The following SYT16 variants were observed in gnomAD, a reference collection of about 807,000 sequenced individuals.
The protein encoded by SYT16 is synaptotagmin-16.
Under a neutral mutation model 61.4 loss-of-function variants are expected in SYT16, and 42 were observed. The ratio of observed to expected loss-of-function variants is 0.68; its 90% CI spans 0.53 to 0.89. The LOEUF is 0.89. SYT16 is among the 40% of genes least tolerant of loss of function. The pLI, the probability that SYT16 is intolerant of heterozygous loss-of-function variation, is 0.00. For synonymous variants in SYT16, 314 were observed against 302.3 expected (o/e 1.04, Z -0.40); for missense variants, 804 against 807.3 (o/e 1.00, Z 0.05).
At chr14:61,871,374 T>C (rs2047327270) in intron 1 of SYT16, among the ~76,000 whole-genome samples, 1 of 152,164 alleles carries the variant, frequency 6.6e-6, no homozygotes, top group South Asian at 2.1e-4. Context: ...AAGGAAATCC[T>C]GTCTGTGAAT....
intron 4 of SYT16, among the ~76,000 whole-genome samples, chr14:62,070,161 G>A (rs2056244134): frequency 6.6e-6 from 1 of 152,094 alleles, no homozygotes; most frequent in Non-Finnish European, 1.5e-5. Context: ...TCACGTACTT[G>A]TCCACTGACA....
intron 1 of SYT16, among the ~76,000 whole-genome samples, chr14:61,898,172 AAGGTTG>A (rs2048390869): frequency 1.3e-5 from 2 of 152,212 alleles, no homozygotes; most frequent in Non-Finnish European, 2.9e-5. Context: ...GAGTGAAACA[AAGGTTG>A]AGGAAATAAA....
At chr14:62,025,027 T>C (rs1056420989) in intron 3 of SYT16, among the ~76,000 whole-genome samples, 8 of 152,144 alleles carry the variant, frequency 5.3e-5, no homozygotes, top group African/African-American at 1.9e-4. Context: ...TATGTATCCA[T>C]TCACCTACTG....
intron 3 of SYT16, chr14:62,069,374 CT>C (rs2056200735): frequency 9.1e-6 from 5 of 550,108 alleles, no homozygotes; most frequent in Non-Finnish European, 1.3e-5. Context: ...AATGATTTGT[CT>C]TGGGTTCTAG....
chr14:62,063,802 C>T (rs1451609985), intron 3 of SYT16, among the ~76,000 whole-genome samples: 1 of 152,160 alleles, frequency 6.6e-6, no homozygotes, highest in Non-Finnish European at 1.5e-5. Context: ...TTCTGCCTGT[C>T]AAAGTCATTA....
chr14:62,033,846 A>T (rs1434029886), intron 3 of SYT16, among the ~76,000 whole-genome samples: 1 of 152,132 alleles, frequency 6.6e-6, no homozygotes, highest in African/African-American at 2.4e-5. Flanking sequence ...CAAAACAAAA[A>T]ATTAGATATA....
intron 1 of SYT16, chr14:61,864,947 T>C: frequency 1.5e-6 from 2 of 1,313,328 alleles, no homozygotes; most frequent in Non-Finnish European, 2.2e-6. Context: ...CCTGCAGGCC[T>C]TGAAAGTGCT....
chr14:61,823,776 T>C (rs2045690679), intron 1 of SYT16, among the ~76,000 whole-genome samples: 1 of 151,960 alleles, frequency 6.6e-6, no homozygotes, highest in South Asian at 2.1e-4. Flanking sequence ...AAACAGAATG[T>C]GATAGAAATC....
chr14:61,996,160 T>C lies in SYT16; in HGVS notation c.141T>C (p.Ser47=). 6.2e-7 allele frequency: 1 copy of C among 1,613,386 alleles called. No individual in the cohort carries two copies. Among genetic ancestry groups the C allele is most frequent in the Non-Finnish European group, 8.5e-7 (1 of 1,179,550 alleles). ...TGGTTAACATAAGCAAACAAGACTC[T>C]AAATTGAGTGACAAACTAGATCAGG... The part of the protein sequence containing the change: ...ASLVNISKQD[S]KLSDKLDQDL... Residue 47 remains serine (S), a synonymous_variant, in exon 3 of 8, where the codon TCT becomes TCC. Coordinates refer to ENST00000683842, the MANE Select transcript of SYT16 (RefSeq NM_001367656.1).
intron 1 of SYT16, among the ~76,000 whole-genome samples, chr14:61,893,567 A>T (rs2048213868): frequency 6.6e-6 from 1 of 152,206 alleles, no homozygotes; most frequent in Admixed American, 6.5e-5. Flanking sequence ...CCAGATTTAA[A>T]AAGCATTCAA....
intron 1 of SYT16, among the ~76,000 whole-genome samples, chr14:61,902,825 A>G (rs2048569891): frequency 6.6e-6 from 1 of 152,218 alleles, no homozygotes. Flanking sequence ...AGCCAAGTGC[A>G]ATTGGTTTCC....
intron 1 of SYT16, among the ~76,000 whole-genome samples, chr14:61,931,548 T>C (rs1483949211): frequency 6.6e-6 from 1 of 152,230 alleles, no homozygotes; most frequent in Non-Finnish European, 1.5e-5. Flanking sequence ...AAATCCATTC[T>C]TCATTTTGTA....
chr14:62,045,775 T>C (rs10140935), intron 3 of SYT16, among the ~76,000 whole-genome samples: 68,453 of 151,084 alleles, frequency 0.45, 18,703 homozygotes, highest in African/African-American at 0.78. Context: ...CTACAAAGGA[T>C]ATGAACTCAT....
chr14:62,010,752 A>G (rs770017822), intron 3 of SYT16, among the ~76,000 whole-genome samples: 18 of 152,250 alleles, frequency 1.2e-4, no homozygotes, highest in South Asian at 2.1e-4. Flanking sequence ...GGGGGTGAGG[A>G]TAAACAAAGT....
At chr14:61,950,854 G>T (rs757587655) in intron 1 of SYT16, among the ~76,000 whole-genome samples, 1 of 152,100 alleles carries the variant, frequency 6.6e-6, no homozygotes, top group African/African-American at 2.4e-5. Flanking sequence ...TCTGAGAATC[G>T]ATTAGAATCC....
intron 3 of SYT16, among the ~76,000 whole-genome samples, chr14:62,048,154 A>G (rs1247804053): frequency 1.3e-5 from 2 of 152,052 alleles, no homozygotes; most frequent in African/African-American, 4.8e-5. Context: ...CAATTTCAGA[A>G]TCTGTTATTG....
rs373880712 is a variant in SYT16 at position 61,896,373 on chromosome 14, C to G, written c.-324-73759C>G. On this transcript the variant is annotated intron_variant, in intron 1 of 7. Transcript: ENST00000683842. ...GGTTTTATCACATAATTGCCTACTT[C>G]ATTTCCACATACCTACTCATAGTGG... Among the ~76,000 whole-genome samples the G allele has an allele frequency of 4.6e-5, 7 of 152,306 alleles. No individual in the cohort carries two copies. The East Asian group carries it at 1.2e-3, about 25-fold the overall frequency.
intron 7 of SYT16, among the ~76,000 whole-genome samples, chr14:62,096,702 G>A (rs959334931): frequency 6.6e-6 from 1 of 151,998 alleles, no homozygotes; most frequent in Non-Finnish European, 1.5e-5. Context: ...ATGATAAACT[G>A]GAAATGATAA....
At chr14:62,014,969 G>C (rs1232768618) in intron 3 of SYT16, among the ~76,000 whole-genome samples, 1 of 152,050 alleles carries the variant, frequency 6.6e-6, no homozygotes, top group Non-Finnish European at 1.5e-5. Context: ...CCCCAACCTT[G>C]TGCCTTCCTC....
Sources: allele counts gnomAD v4.1 joint callset (sites outside exome capture counted in the v4.1 genomes callset), GRCh38; gene constraint gnomAD v4.1.1; transcripts MANE v1.5; gene names NCBI Gene and HGNC (gene_info 2026-07-23, HGNC 2026-07-21).